The following COL5A1 variants were observed in gnomAD, a reference collection of about 807,000 sequenced individuals.
COL5A1 encodes collagen type V alpha 1 chain.
Under a neutral mutation model 263.7 loss-of-function variants are expected in COL5A1, and 16 were observed. That is an observed-to-expected ratio of 0.06 (90% CI 0.04 to 0.09). The LOEUF (loss-of-function observed/expected upper bound fraction) is 0.09. Ranked by LOEUF, COL5A1 falls within the 10% of genes least tolerant of loss-of-function variation. COL5A1 has a pLI of 1.00. For synonymous variants in COL5A1, 1,012 were observed against 1,004.5 expected (o/e 1.01, Z -0.14); for missense variants, 2,036 against 2,540.5 (o/e 0.80, Z 4.27).
At chr9:134,837,697 G>A (rs1839894022) in intron 65 of COL5A1, among the ~76,000 whole-genome samples, 1 of 151,844 alleles carries the variant, frequency 6.6e-6, no homozygotes, top group South Asian at 2.1e-4. Context: ...ATGAGGGTGT[G>A]CTGTTGGCAT....
chr9:134,723,039 C>T (rs1834520111), intron 4 of COL5A1, among the ~76,000 whole-genome samples: 1 of 152,156 alleles, frequency 6.6e-6, no homozygotes, highest in African/African-American at 2.4e-5. Context: ...AGGTAGCTGT[C>T]CTCGGTCACT....
intron 1 of COL5A1, among the ~76,000 whole-genome samples, chr9:134,663,870 C>G (rs919317027): frequency 1.3e-5 from 2 of 152,174 alleles, no homozygotes; most frequent in Non-Finnish European, 2.9e-5. Flanking sequence ...TTTGATACTG[C>G]AAGGGCAGGG....
chr9:134,738,133 C>G (rs973504213), intron 9 of COL5A1, among the ~76,000 whole-genome samples: 31 of 152,172 alleles, frequency 2.0e-4, no homozygotes, highest in Non-Finnish European at 8.8e-5. Context: ...GCGGACCTGC[C>G]TGGCACTCCC....
intron 4 of COL5A1, among the ~76,000 whole-genome samples, chr9:134,713,993 C>T (rs1264638343): frequency 1.3e-5 from 2 of 152,304 alleles, no homozygotes; most frequent in South Asian, 2.1e-4. Context: ...CAACCTTCTC[C>T]GTGACGCTCT....
rs565329216 is a variant in COL5A1 at position 134,738,759 on chromosome 9, C to T, written c.1445C>T (p.Pro482Leu). Residue 482 changes from proline (P) to leucine (L), a missense_variant, in exon 11 of 66, where the codon CCT becomes CTT. This residue lies in a region of COL5A1 where 1,078 missense variants were observed against 1,521.4 expected (regional missense o/e 0.71). Coordinates refer to ENST00000371817, the MANE Select transcript of COL5A1 (RefSeq NM_000093.5). ...GPEGPAGLPG[P>L]PGTMGPTGQV... ...TTTTAATTCTAGGGTCTTCCCGGAC[C>T]TCCAGGAACCATGGGTCCCACTGGC... 1.9e-5 allele frequency: 30 copies of T among 1,613,370 alleles called. No homozygotes were observed. In the South Asian group the frequency reaches 3.3e-4, roughly 18 times the overall value.
chr9:134,776,206 A>G (rs760897539), intron 27 of COL5A1, among the ~76,000 whole-genome samples: 73 of 152,318 alleles, frequency 4.8e-4, no homozygotes, highest in Middle Eastern at 3.4e-3. Flanking sequence ...AGCTTCTACC[A>G]GCAAAATGCC....
At chr9:134,763,417 A>G (rs1174535515) in intron 19 of COL5A1, among the ~76,000 whole-genome samples, 2 of 152,122 alleles carry the variant, frequency 1.3e-5, no homozygotes, top group Non-Finnish European at 2.9e-5. Flanking sequence ...TTTCAATTAG[A>G]TGCTCTTTCT....
chr9:134,678,137 C>A lies in COL5A1; in HGVS notation c.110-12775C>A, dbSNP rs1310908544. Among the ~76,000 whole-genome samples, 2 of 152,180 alleles carry A rather than the reference C, an allele frequency of 1.3e-5. No homozygotes were observed. The highest frequency in any genetic ancestry group is 4.8e-5 in the African/African-American group (2 of 41,428). The stretch of plus-strand genomic sequence containing the variant: ...TGGAGGCATTCTCCCAGCTTGCAGC[C>A]CCATGGTGCAGAGGAAAGATTTTGG... On this transcript the variant is annotated intron_variant, in intron 1 of 65. Transcript: ENST00000371817. The surrounding 1 kb of genome is among the most constrained non-coding windows in gnomAD (Gnocchi z 5.5).
chr9:134,780,060 A>G (rs1185879015), intron 27 of COL5A1, 42 bp from the exon 28 acceptor site: 1 of 1,611,600 alleles, frequency 6.2e-7, no homozygotes, highest in Non-Finnish European at 8.5e-7. Flanking sequence ...AAAGGCTGAG[A>G]CTTGTAACCA....
intron 2 of COL5A1, among the ~76,000 whole-genome samples, chr9:134,697,346 G>A (rs919833221): frequency 1.3e-5 from 2 of 152,142 alleles, no homozygotes; most frequent in Non-Finnish European, 1.5e-5. Flanking sequence ...GAGAAAATTT[G>A]TTACCATAGA....
chr9:134,659,070 A>G (rs999575252), intron 1 of COL5A1, among the ~76,000 whole-genome samples: 1 of 152,206 alleles, frequency 6.6e-6, no homozygotes, highest in Non-Finnish European at 1.5e-5. Context: ...GAGGCCCTGC[A>G]GCTAGGAAGT....
intron 1 of COL5A1, among the ~76,000 whole-genome samples, chr9:134,668,977 A>C: frequency 7.5e-6 from 1 of 134,220 alleles, no homozygotes; most frequent in Admixed American, 7.7e-5. Flanking sequence ...CCATCCATCC[A>C]TCCATCCATC....
chr9:134,835,024 C>A lies in COL5A1; in HGVS notation c.5190C>A (p.Phe1730Leu). The A allele has an allele frequency of 6.2e-7, 1 of 1,613,568 alleles. No homozygotes were observed. Among genetic ancestry groups the A allele is most frequent in the Non-Finnish European group, 8.5e-7 (1 of 1,180,022 alleles). Residue 1730 changes from phenylalanine to leucine, a missense_variant, in exon 65 of 66, where the codon TTC (phenylalanine) becomes TTA (leucine). Around this residue, in one of 3 missense-constraint regions of COL5A1, gnomAD observed 358 missense variants for 384.6 expected, o/e 0.93. Coordinates refer to ENST00000371817, the MANE Select transcript of COL5A1 (RefSeq NM_000093.5). ...GNPVGVVQMT[F>L]LRLLSASAHQ... ...CTGTGGGTGTGGTACAGATGACCTT[C>A]CTGCGGCTGCTGAGCGCCTCTGCCC...
intron 4 of COL5A1, among the ~76,000 whole-genome samples, chr9:134,705,332 C>A (rs533779993): frequency 5.4e-4 from 82 of 152,240 alleles, no homozygotes; most frequent in Non-Finnish European, 9.0e-4. Flanking sequence ...AGACGCGGAG[C>A]CTGAGTGTGT....
chr9:134,725,286 CT>C (rs1257355822), intron 4 of COL5A1, among the ~76,000 whole-genome samples: 4 of 152,186 alleles, frequency 2.6e-5, no homozygotes, highest in Non-Finnish European at 4.4e-5. Flanking sequence ...TCGGTTTCCT[CT>C]GTTGTAGAGT....
intron 2 of COL5A1, among the ~76,000 whole-genome samples, chr9:134,695,106 G>C (rs1281768961): frequency 6.6e-6 from 1 of 152,110 alleles, no homozygotes; most frequent in South Asian, 2.1e-4. Flanking sequence ...CCTCCTCCTC[G>C]GCTCTGGTGC....
At chr9:134,805,347 A>T (rs1266844085) in intron 41 of COL5A1, 133 bp downstream of exon 41, 10 of 1,082,734 alleles carry the variant, frequency 9.2e-6, no homozygotes, top group Non-Finnish European at 1.3e-5. Context: ...GGAGGGGGGA[A>T]AATGGCCTTC....
At chr9:134,668,761 C>G (rs1832432333) in intron 1 of COL5A1, among the ~76,000 whole-genome samples, 1 of 151,908 alleles carries the variant, frequency 6.6e-6, no homozygotes, top group Admixed American at 6.6e-5. Flanking sequence ...ACCCATTTGT[C>G]CATACTCCAT....
At chr9:134,815,007 T>G in intron 50 of COL5A1, 103 bp downstream of exon 50, 1 of 793,832 alleles carries the variant, frequency 1.3e-6, no homozygotes, top group Non-Finnish European at 2.0e-6. Context: ...GAGAACAGCT[T>G]CAAGACCATT....
Sources: allele counts gnomAD v4.1 joint callset (sites outside exome capture counted in the v4.1 genomes callset), GRCh38; gene constraint gnomAD v4.1.1; regional missense constraint gnomAD v4.1.1; non-coding constraint Gnocchi (gnomAD v3.1); transcripts MANE v1.5; gene names NCBI Gene and HGNC (gene_info 2026-07-23, HGNC 2026-07-21).